Variants in IQCE observed in about 807,000 individuals in gnomAD.
The protein encoded by IQCE is IQ domain-containing protein E.
Under a neutral mutation model 96.0 loss-of-function variants are expected in IQCE, and 115 were observed. The ratio of observed to expected loss-of-function variants is 1.20; its 90% CI spans 1.03 to 1.40. The LOEUF (loss-of-function observed/expected upper bound fraction) is 1.40. Ranked by LOEUF, IQCE falls within the 40% of genes most tolerant of loss-of-function variation. The pLI is 0.00. For missense variants in IQCE, 1,041 were observed against 909.1 expected (o/e 1.15, Z -1.87); for synonymous variants, 412 against 371.2 (o/e 1.11, Z -1.26).
chr7:2,572,237 C>A lies in IQCE; in HGVS notation c.305C>A (p.Ala102Glu). ...ALNSPLTWEH[A>E]WTGVPGGTPD... is the part of the protein sequence containing the mutation. ...AACTCACCCCTCACCTGGGAGCATGCGTGGACTGGCGTCCCCGGCGGCACT... is the reference window on the plus strand; with the variant it reads ...AACTCACCCCTCACCTGGGAGCATGAGTGGACTGGCGTCCCCGGCGGCACT... The change falls in exon 5 of 22, where the codon GCG (alanine) becomes GAG (glutamate). Residue 102 changes from alanine (A) to glutamate (E), a missense_variant. Ala to Glu is a moderately radical substitution (Grantham distance 107, BLOSUM62 -1). Coordinates refer to ENST00000402050, the MANE Select transcript of IQCE (RefSeq NM_152558.5). 6.2e-7 allele frequency: 1 copy of A among 1,614,034 alleles called. No individual in the cohort carries two copies. The highest frequency in any genetic ancestry group is 2.2e-5 in the East Asian group (1 of 44,882).
chr7:2,610,079 C>T lies in IQCE; in HGVS notation c.2005C>T (p.Leu669=). ...SPSGPQALAP[L]PGDDVNSDDS... is the part of the protein sequence containing the mutation. ...CTCAGGGCCACAGGCCTTGGCACCT[C>T]TACCTGGGGATGACGTCAACTCCGA... The change falls in exon 22 of 22, where the codon CTA becomes TTA. Residue 669 remains leucine, a synonymous_variant. Coordinates refer to ENST00000402050, the MANE Select transcript of IQCE (RefSeq NM_152558.5). 6.2e-7 allele frequency: 1 copy of T among 1,612,078 alleles called. No homozygotes were observed. The highest frequency in any genetic ancestry group is 8.5e-7 in the Non-Finnish European group (1 of 1,178,114).
chr7:2,587,288 T>G (rs1583458981), intron 12 of IQCE, among the ~76,000 whole-genome samples: 1 of 149,780 alleles, frequency 6.7e-6, no homozygotes, highest in South Asian at 2.1e-4. Context: ...TGTGTGGGGG[T>G]GCGAGGCAGA....
rs61729413 is a variant in IQCE, at chr7:2,607,162, G to A, written c.1904G>A (p.Arg635Lys). The A allele has an allele frequency of 0.14, 225,766 of 1,611,772 alleles. 16,312 individuals are homozygous for A. Among genetic ancestry groups the A allele is most frequent in the Middle Eastern group, 0.17 (1,017 of 6,048 alleles). Reference protein sequence around the residue: ...GKRTTTAASTRRRSASATHGD... With the variant: ...GKRTTTAASTKRRSASATHGD... ...AGAACCACCACCGCAGCTTCTACCA[G>A]GAGGAGATCGGCTTCAGCCACACAC... is the stretch of plus-strand genomic sequence containing the variant. Residue 635 changes from arginine to lysine, a missense_variant, in exon 21 of 22, where the codon AGG becomes AAG. Coordinates refer to ENST00000402050, the MANE Select transcript of IQCE (RefSeq NM_152558.5).
At position 2,578,315 on chromosome 7, in the gene IQCE, G is replaced by A. The variant is rs779114426; in HGVS notation, c.539G>A (p.Arg180Lys). 1 of 1,614,160 alleles carries A rather than the reference G, an allele frequency of 6.2e-7. No individual in the cohort carries two copies. Among genetic ancestry groups the A allele is most frequent in the South Asian group, 1.1e-5 (1 of 91,088 alleles). Reference sequence around the variant, plus strand: ...CGGCGCCTGGAGGAGGAAAACAGCAGGAAGGACCGGCAGATAGAGCAGCTC... The same window carrying A: ...CGGCGCCTGGAGGAGGAAAACAGCAAGAAGGACCGGCAGATAGAGCAGCTC... The part of the protein sequence containing the change: ...KLRRLEEENS[R>K]KDRQIEQLLD... The change falls in exon 7 of 22, where the codon AGG becomes AAG. Residue 180 changes from arginine (R) to lysine (K), a missense_variant. Arg to Lys is a conservative substitution (Grantham distance 26). Coordinates refer to ENST00000402050, the MANE Select transcript of IQCE (RefSeq NM_152558.5).
At chr7:2,594,472 T>C (rs1474382897) in intron 15 of IQCE, among the ~76,000 whole-genome samples, 2 of 152,246 alleles carry the variant, frequency 1.3e-5, no homozygotes, top group South Asian at 2.1e-4. Context: ...TCCCTGCTTA[T>C]TTATCTCAAA....
intron 16 of IQCE, among the ~76,000 whole-genome samples, chr7:2,597,707 G>A (rs756461441): frequency 3.9e-5 from 6 of 152,158 alleles, no homozygotes; most frequent in Non-Finnish European, 8.8e-5. Flanking sequence ...TCACTCTGTT[G>A]CCCAGGCTCG....
intron 14 of IQCE, among the ~76,000 whole-genome samples, chr7:2,592,012 G>A (rs988643369): frequency 1.4e-5 from 2 of 140,932 alleles, no homozygotes; most frequent in Admixed American, 7.1e-5. Flanking sequence ...GATTACAGGC[G>A]TGAGCCACCG....
At chr7:2,597,486 TGCGCCTG>T (rs1263339957) in intron 16 of IQCE, among the ~76,000 whole-genome samples, 1 of 152,262 alleles carries the variant, frequency 6.6e-6, no homozygotes. Context: ...ACAGGCCACC[TGCGCCTG>T]GCGCCTGGCC....
chr7:2,568,201 G>C (rs1417074298), intron 2 of IQCE, among the ~76,000 whole-genome samples: 1 of 152,178 alleles, frequency 6.6e-6, no homozygotes, highest in African/African-American at 2.4e-5. Flanking sequence ...CCACCCTTAA[G>C]TACTTCACAC....
rs184862934 is a variant in IQCE, at chr7:2,574,436, T to C, written c.465+948T>C. ...GAGAGAACAGTCAGACTTGAGGCTG[T>C]GTGAGAAGAACGCTCTAACCACGAG... On this transcript the variant is annotated intron_variant, in intron 6 of 21. Coordinates refer to ENST00000402050, the MANE Select transcript of IQCE (RefSeq NM_152558.5). Among the ~76,000 whole-genome samples the C allele has an allele frequency of 1.6e-3, 241 of 152,334 alleles. 2 individuals carry two copies. The Middle Eastern group carries it at 0.041, about 26-fold the overall frequency.
chr7:2,571,643 C>T lies in IQCE; in HGVS notation c.248C>T (p.Thr83Ile). The change falls in exon 4 of 22, where the codon ACC becomes ATC. Residue 83 changes from threonine to isoleucine, a missense_variant. By Grantham distance (89) the Thr-to-Ile change is moderately conservative. Coordinates refer to ENST00000402050, the MANE Select transcript of IQCE (RefSeq NM_152558.5). The part of the protein sequence containing the change: ...SLTPQKLWLG[T>I]AKPGSLTQAL... ...ACCCCGCAGAAGCTGTGGCTGGGAACCGCAAAGCCAGGTATGTGGTTGTCG... is the reference window on the plus strand; with the variant it reads ...ACCCCGCAGAAGCTGTGGCTGGGAATCGCAAAGCCAGGTATGTGGTTGTCG... 2 of 1,599,730 alleles carry T rather than the reference C, an allele frequency of 1.3e-6. No individual in the cohort carries two copies. The highest frequency in any genetic ancestry group is 1.7e-6 in the Non-Finnish European group (2 of 1,179,874).
chr7:2,592,504 G>A (rs1783681345), intron 14 of IQCE, among the ~76,000 whole-genome samples: 1 of 152,186 alleles, frequency 6.6e-6, no homozygotes, highest in Admixed American at 6.5e-5. Flanking sequence ...TGAGCAGTCG[G>A]GGCTCGCAGA....
intron 18 of IQCE, 32 bp downstream of exon 18, chr7:2,601,496 C>A: frequency 6.5e-7 from 1 of 1,532,630 alleles, no homozygotes; most frequent in Non-Finnish European, 9.0e-7. Flanking sequence ...TTTCAAAATT[C>A]GGATTTGTAT....
At chr7:2,587,777 A>G (rs1783236628) in intron 12 of IQCE, 45 bp from the exon 13 acceptor site, 1 of 1,588,398 alleles carries the variant, frequency 6.3e-7, no homozygotes, top group African/African-American at 1.3e-5. Context: ...CCCTGCTGGC[A>G]GTGCCCACCA....
chr7:2,571,326 G>T, intron 3 of IQCE, 200 bp from the exon 4 acceptor site: 1 of 612,994 alleles, frequency 1.6e-6, no homozygotes, highest in Non-Finnish European at 2.8e-6. Flanking sequence ...GCCTCATTAT[G>T]CTATTTCTTT....
chr7:2,596,701 A>C (rs1265405187), intron 16 of IQCE, among the ~76,000 whole-genome samples: 4 of 152,220 alleles, frequency 2.6e-5, no homozygotes, highest in Non-Finnish European at 5.9e-5. Flanking sequence ...GTAAATGTTC[A>C]TTTATCTTCG....
At position 2,578,330 on chromosome 7, in the gene IQCE, TA is replaced by T. The variant is rs754669286; in HGVS notation, c.555del (p.Ile185MetfsTer31). 1.2e-6 allele frequency: 2 copies of T among 1,614,086 alleles called. No homozygotes were observed. Among genetic ancestry groups the T allele is most frequent in the Admixed American group, 3.3e-5 (2 of 60,020 alleles). ...GAAAACAGCAGGAAGGACCGGCAGA[TA>T]GAGCAGCTCCTGGATCCCAGCCGCG... ...EEENSRKDRQ[I>X]EQLLDPSRGT... On this transcript the variant is annotated frameshift_variant, in exon 7 of 22. Coordinates refer to ENST00000402050, the MANE Select transcript of IQCE (RefSeq NM_152558.5). LOFTEE classifies it high-confidence loss of function.
intron 5 of IQCE, among the ~76,000 whole-genome samples, chr7:2,573,000 T>A (rs1331786222): frequency 1.3e-5 from 2 of 152,236 alleles, no homozygotes; most frequent in South Asian, 2.1e-4. Context: ...ATGTTTAATA[T>A]ACTAGGTATC....
intron 19 of IQCE, 66 bp from the exon 20 acceptor site, chr7:2,605,810 G>C: frequency 7.0e-7 from 1 of 1,420,792 alleles, no homozygotes; most frequent in South Asian, 1.5e-5. Context: ...TGCCCTGGGG[G>C]TTGAGTGCTG....
Sources: allele counts gnomAD v4.1 joint callset (sites outside exome capture counted in the v4.1 genomes callset), GRCh38; gene constraint gnomAD v4.1.1; transcripts MANE v1.5; gene names NCBI Gene and HGNC (gene_info 2026-07-23, HGNC 2026-07-21).